The following GPC5 variants were observed in gnomAD, a reference collection of about 807,000 sequenced individuals.
GPC5 encodes glypican-5.
A neutral mutation model predicts 53.9 loss-of-function variants in GPC5; 47 were observed. The observed-to-expected ratio is 0.87, with a 90% CI of 0.69 to 1.11. The LOEUF (loss-of-function observed/expected upper bound fraction) is 1.11. Ranked by LOEUF, GPC5 falls within the 50% of genes most tolerant of loss-of-function variation. The pLI is 0.00. For missense variants in GPC5, 748 were observed against 713.1 expected, an observed-to-expected ratio of 1.05 and a Z score of -0.56; for synonymous variants, 286 against 263.3, an observed-to-expected ratio of 1.09 and a Z score of -0.84.
chr13:92,825,015 C>T (rs184494542), intron 7 of GPC5, among the ~76,000 whole-genome samples: 2 of 152,184 alleles, frequency 1.3e-5, no homozygotes, highest in East Asian at 3.9e-4. Context: ...TCAATCAACA[C>T]GTCAGACAGA....
chr13:92,249,249 G>A (rs1195413139), intron 7 of GPC5, among the ~76,000 whole-genome samples: 1 of 152,074 alleles, frequency 6.6e-6, no homozygotes, highest in Admixed American at 6.6e-5. Flanking sequence ...AACAATAGAA[G>A]GCTGCCTGAT....
intron 7 of GPC5, among the ~76,000 whole-genome samples, chr13:92,706,514 CAGCTCCCACAGTT>C (rs1267748235): frequency 1.3e-5 from 2 of 151,984 alleles, no homozygotes; most frequent in Admixed American, 1.3e-4. Context: ...AGTATAGAGC[CAGCTCCCACAGTT>C]AGATTCTACT....
chr13:91,524,298 T>G (rs1885982218), intron 2 of GPC5, among the ~76,000 whole-genome samples: 1 of 152,124 alleles, frequency 6.6e-6, no homozygotes, highest in South Asian at 2.1e-4. Context: ...GTTGAAATTT[T>G]CACTCTAAAA....
At chr13:91,466,441 T>C (rs1166166848) in intron 2 of GPC5, among the ~76,000 whole-genome samples, 1 of 152,180 alleles carries the variant, frequency 6.6e-6, no homozygotes, top group Non-Finnish European at 1.5e-5. Flanking sequence ...CGTTTTTATT[T>C]TTGTTTCAAC....
At chr13:92,127,489 T>C (rs1594774159) in intron 6 of GPC5, among the ~76,000 whole-genome samples, 1 of 152,188 alleles carries the variant, frequency 6.6e-6, no homozygotes, top group East Asian at 1.9e-4. Flanking sequence ...TAGAACTAAA[T>C]AGGGTTCCCC....
At chr13:91,806,305 G>T (rs1427432999) in intron 5 of GPC5, among the ~76,000 whole-genome samples, 1 of 151,750 alleles carries the variant, frequency 6.6e-6, no homozygotes, top group Non-Finnish European at 1.5e-5. Flanking sequence ...AAAGTGGTAG[G>T]ATTACAGGCA....
intron 2 of GPC5, among the ~76,000 whole-genome samples, chr13:91,496,128 G>A (rs2351865): frequency 0.99 from 151,508 of 152,332 alleles, 75,357 homozygotes; most frequent in Middle Eastern, 1. Flanking sequence ...TATTAAGTAC[G>A]AATTTTAAAA....
intron 5 of GPC5, among the ~76,000 whole-genome samples, chr13:91,769,380 G>A (rs2037580994): frequency 6.6e-6 from 1 of 152,138 alleles, no homozygotes; most frequent in African/African-American, 2.4e-5. Context: ...TAGCCAAGTT[G>A]CCATATAAAA....
chr13:92,765,655 T>G (rs1875376159), intron 7 of GPC5, among the ~76,000 whole-genome samples: 1 of 152,136 alleles, frequency 6.6e-6, no homozygotes, highest in Non-Finnish European at 1.5e-5. Context: ...GAAATGCAAA[T>G]TCTCAGGCCC....
At chr13:91,956,676 C>T (rs1317167644) in intron 6 of GPC5, among the ~76,000 whole-genome samples, 1 of 152,124 alleles carries the variant, frequency 6.6e-6, no homozygotes, top group Admixed American at 6.5e-5. Flanking sequence ...CTAATGACTG[C>T]AAGGCACTAA....
At chr13:92,066,433 GAA>G (rs773012733) in intron 6 of GPC5, among the ~76,000 whole-genome samples, 3 of 116,490 alleles carry the variant, frequency 2.6e-5, no homozygotes, top group Admixed American at 8.8e-5. Context: ...GAACAAACCT[GAA>G]AAAAAAAAAA....
At chr13:92,534,475 T>C (rs535312519) in intron 7 of GPC5, among the ~76,000 whole-genome samples, 1 of 152,304 alleles carries the variant, frequency 6.6e-6, no homozygotes, top group South Asian at 2.1e-4. Context: ...TAACAGTAAC[T>C]TCCTAGACAG....
Position 92,579,302 on chromosome 13 carries a change from CCTCCCT to C in GPC5, c.1562-286978_1562-286973del, listed in dbSNP as rs1194252214. ...CTCTCTCTCTCTCTCTCTCTCTCTC[CCTCCCT>C]CCCTCCCTCCCTCCCTCTCTCTCTC... On this transcript the variant is annotated intron_variant, in intron 7 of 7. Transcript: ENST00000377067. Among the ~76,000 whole-genome samples the C allele has an allele frequency of 3.8e-3, 139 of 36,748 alleles. 10 individuals carry two copies. The highest frequency in any genetic ancestry group is 4.8e-3 in the Non-Finnish European group (98 of 20,328). 24.1% of individuals were successfully genotyped at this position (36,748 alleles called of 152,430 possible).
At chr13:91,976,666 G>A (rs769743494) in intron 6 of GPC5, among the ~76,000 whole-genome samples, 19 of 152,160 alleles carry the variant, frequency 1.2e-4, no homozygotes. Flanking sequence ...GCGAGTTTCA[G>A]TTCCTTGATA....
At chr13:92,465,637 T>C (rs1395483789) in intron 7 of GPC5, among the ~76,000 whole-genome samples, 1 of 152,136 alleles carries the variant, frequency 6.6e-6, no homozygotes, top group East Asian at 1.9e-4. Context: ...TCCACATGGA[T>C]TGAATCACTA....
At chr13:91,488,971 G>A (rs1346365197) in intron 2 of GPC5, among the ~76,000 whole-genome samples, 3 of 152,204 alleles carry the variant, frequency 2.0e-5, no homozygotes, top group Non-Finnish European at 4.4e-5. Context: ...GTAGCTGTGG[G>A]ATGAAATAAG....
At chr13:92,286,802 T>A (rs1222925092) in intron 7 of GPC5, among the ~76,000 whole-genome samples, 1 of 151,852 alleles carries the variant, frequency 6.6e-6, no homozygotes, top group Non-Finnish European at 1.5e-5. Context: ...AGTTAATGGG[T>A]GCAGCACACC....
At chr13:92,596,359 T>C (rs558560772) in intron 7 of GPC5, among the ~76,000 whole-genome samples, 3 of 152,266 alleles carry the variant, frequency 2.0e-5, no homozygotes, top group African/African-American at 4.8e-5. Flanking sequence ...AGATGGCATA[T>C]AATATGCCCC....
chr13:92,448,380 G>T (rs1286417770), intron 7 of GPC5: 7 of 152,036 alleles, frequency 4.6e-5, no homozygotes, highest in African/African-American at 1.7e-4. Context: ...TAAATACAGT[G>T]TGCTTATAAA....
Sources: allele counts gnomAD v4.1 joint callset (sites outside exome capture counted in the v4.1 genomes callset), GRCh38; gene constraint gnomAD v4.1.1; transcripts MANE v1.5; gene names NCBI Gene and HGNC (gene_info 2026-07-23, HGNC 2026-07-21).